MAST1: variants seen among roughly 807,000 people sequenced by gnomAD.
The protein encoded by MAST1 is microtubule associated serine/threonine kinase 1.
In MAST1, 40 loss-of-function variants were observed where a neutral mutation model predicts 124.6. The ratio of observed to expected loss-of-function variants is 0.32; its 90% CI spans 0.25 to 0.42. MAST1 has a LOEUF of 0.42. MAST1 is among the 10% of genes least tolerant of loss of function. The probability of loss-of-function intolerance (pLI) is 1.00; values close to 1 mark genes in which losing one functional copy is unlikely to be tolerated. For missense variants in MAST1, 1,558 were observed against 2,181.9 expected (o/e 0.71, Z 5.70); for synonymous variants, 938 against 939.4 (o/e 1.00, Z 0.03).
In MAST1 at chr19:12,843,379, C is replaced by T; in HGVS notation, c.249-150C>T. 9.0e-6 allele frequency: 5 copies of T among 556,714 alleles called. No individual in the cohort carries two copies. The highest frequency in any genetic ancestry group is 1.6e-5 in the Non-Finnish European group (5 of 314,338). 34.5% of individuals were successfully genotyped at this position (556,714 alleles called of 1,614,324 possible). On this transcript the variant is annotated intron_variant, in intron 3 of 25. Transcript: ENST00000251472. This position sits in a 1 kb window ranked among gnomAD's most constrained non-coding sequence, Gnocchi z 4.9. Reference sequence around the variant, plus strand: ...TGCCTGGAAGAGTCCCTCTTTATCCCCTTGATTCTGAGGGCCTTGAGGAAT... The same window carrying T: ...TGCCTGGAAGAGTCCCTCTTTATCCTCTTGATTCTGAGGGCCTTGAGGAAT...
intron 18 of MAST1, 135 bp from the exon 19 acceptor site, chr19:12,867,339 G>A (rs1038004314): frequency 3.2e-6 from 3 of 944,892 alleles, no homozygotes; most frequent in South Asian, 1.5e-5. Context: ...TAGGTTGGGG[G>A]ATCATGCACA....
chr19:12,873,979 G>T lies in MAST1; in HGVS notation c.3822G>T (p.Leu1274Phe). 1 of 1,601,816 alleles carries T rather than the reference G, an allele frequency of 6.2e-7. No homozygotes were observed. ...CGGCCGAGAAGCTGGGAGCCTCTTT[G>T]AGTGCGGACAAGAAGGGCGCGCTGC... ...VQSAEKLGASLSADKKGALRK... is the reference protein window; with the variant it reads ...VQSAEKLGASFSADKKGALRK... Residue 1274 changes from leucine to phenylalanine, a missense_variant, in exon 26 of 26, where the codon TTG (leucine) becomes TTT (phenylalanine). Physicochemically the swap from Leu to Phe is conservative, Grantham distance 22 (BLOSUM62 0). This residue lies in a region of MAST1 where 263 missense variants were observed against 310.9 expected (regional missense o/e 0.85). Transcript: ENST00000251472.
At chr19:12,869,044 G>A (rs2013587263) in intron 21 of MAST1, 22 bp from the exon 22 acceptor site, 1 of 1,609,880 alleles carries the variant, frequency 6.2e-7, no homozygotes, top group African/African-American at 1.3e-5. Flanking sequence ...TCTGATTTCT[G>A]ACCATGGTTG....
rs781617324 is a variant in MAST1, at chr19:12,871,064, C to T, written c.3155C>T (p.Thr1052Met). Residue 1052 changes from threonine (T) to methionine (M), a missense_variant, in exon 24 of 26, where the codon ACG becomes ATG. Coordinates refer to ENST00000251472, the MANE Select transcript of MAST1 (RefSeq NM_014975.3). The part of the protein sequence containing the change: ...KSGNKVAVTT[T>M]PFENTSIRIG... ...GGCAACAAGGTAGCAGTGACCACAACGCCCTTCGAAAATACCTCTATCCGC... is the reference window on the plus strand; with the variant it reads ...GGCAACAAGGTAGCAGTGACCACAATGCCCTTCGAAAATACCTCTATCCGC... 3.1e-6 allele frequency: 5 copies of T among 1,614,194 alleles called. No homozygotes were observed. Among genetic ancestry groups the T allele is most frequent in the South Asian group, 1.1e-5 (1 of 91,084 alleles).
intron 24 of MAST1, among the ~76,000 whole-genome samples, chr19:12,872,197 C>T (rs1224401767): frequency 6.6e-6 from 1 of 152,092 alleles, no homozygotes; most frequent in African/African-American, 2.4e-5. Context: ...AACTGAAATC[C>T]TATTTTCCCT....
At position 12,869,198 on chromosome 19, in the gene MAST1, C is replaced by A; in HGVS notation, c.2906C>A (p.Thr969Asn). Residue 969 changes from threonine (T) to asparagine (N), a missense_variant, in exon 22 of 26, where the codon ACC becomes AAC. This residue lies in a region of MAST1 where 291 missense variants were observed against 475.8 expected (regional missense o/e 0.61). Coordinates refer to ENST00000251472, the MANE Select transcript of MAST1 (RefSeq NM_014975.3). ...GTCAGTGGGCTCCGCTCCCCCATCA[C>A]CATCCAGCGCTCGGGCAAGAAGTAT... ...PAVSGLRSPI[T>N]IQRSGKKYGF... 6.2e-7 allele frequency: 1 copy of A among 1,614,212 alleles called. No homozygotes were observed. The highest frequency in any genetic ancestry group is 8.5e-7 in the Non-Finnish European group (1 of 1,180,040).
chr19:12,864,386 C>T (rs887098795), intron 12 of MAST1, among the ~76,000 whole-genome samples: 2 of 141,530 alleles, frequency 1.4e-5, no homozygotes, highest in Non-Finnish European at 3.0e-5. Flanking sequence ...GGAGTAAGAC[C>T]CTGTCTCAAA....
chr19:12,838,700 A>C lies in MAST1; in HGVS notation c.83+45A>C. ...GACATTGTCCCGGCCCTCCCCGCAA[A>C]AGCCGCCGCTCCGGGTACTGCTGCA... is the stretch of plus-strand genomic sequence containing the variant. On this transcript the variant is annotated intron_variant, in intron 1 of 25. Transcript: ENST00000251472. The surrounding 1 kb of genome is among the most constrained non-coding windows in gnomAD (Gnocchi z 4.3). 1 of 1,559,122 alleles carries C rather than the reference A, an allele frequency of 6.4e-7. No homozygotes were observed. Among genetic ancestry groups the C allele is most frequent in the Non-Finnish European group, 8.8e-7 (1 of 1,139,204 alleles).
At position 12,863,550 on chromosome 19, in the gene MAST1, C is replaced by G. The variant is rs148092207; in HGVS notation, c.1367-1259C>G. ...TCAGGAAACTCTCCATCTCTTGGCT[C>G]TGTACTCCCACATGTGGGCTTCCTT... On this transcript the variant is annotated intron_variant, in intron 12 of 25. Transcript: ENST00000251472. 1.7e-3 allele frequency among the ~76,000 whole-genome samples: 253 copies of G among 152,328 alleles called. 1 individual carries two copies. Among genetic ancestry groups the G allele is most frequent in the African/African-American group, 5.9e-3 (246 of 41,574 alleles).
chr19:12,867,796 C>T lies in MAST1; in HGVS notation c.2385C>T (p.Arg795=). The change falls in exon 20 of 26, where the codon CGC becomes CGT. Residue 795 remains arginine (R), a synonymous_variant. Coordinates refer to ENST00000251472, the MANE Select transcript of MAST1 (RefSeq NM_014975.3). Reference sequence around the variant, plus strand: ...AGGCCAGTCCCCCTTTGGGCGCCCGCCGCCGTTTCTCGGCGCTGCTGGAGC... The same window carrying T: ...AGGCCAGTCCCCCTTTGGGCGCCCGTCGCCGTTTCTCGGCGCTGCTGGAGC... ...EGEASPPLGA[R]RRFSALLEPS... is the part of the protein sequence containing the mutation. 3 of 1,571,664 alleles carry T rather than the reference C, an allele frequency of 1.9e-6. No individual in the cohort carries two copies. Among genetic ancestry groups the T allele is most frequent in the Admixed American group, 3.8e-5 (2 of 51,974 alleles).
Position 12,864,867 on chromosome 19 carries a change from C to A in MAST1, c.1425C>A (p.Arg475=), listed in dbSNP as rs1970131504. 1 of 1,614,004 alleles carries A rather than the reference C, an allele frequency of 6.2e-7. No homozygotes were observed. Among genetic ancestry groups the A allele is most frequent in the African/African-American group, 1.3e-5 (1 of 74,910 alleles). The change falls in exon 13 of 26, where the codon CGC becomes CGA. Residue 475 remains arginine (R), a synonymous_variant. Transcript: ENST00000251472. ...NIGALPVEMA[R]MYFAETVLAL... ...GAGCGCTGCCCGTAGAGATGGCCCGCATGTACTTTGCTGAGACGGTGCTAG... is the reference window on the plus strand; with the variant it reads ...GAGCGCTGCCCGTAGAGATGGCCCGAATGTACTTTGCTGAGACGGTGCTAG...
rs1318905044 is a variant in MAST1 at position 12,867,808 on chromosome 19, G to C, written c.2397G>C (p.Ser799=). ...SPPLGARRRF[S]ALLEPSRFSA... ...CTTTGGGCGCCCGCCGCCGTTTCTC[G>C]GCGCTGCTGGAGCCCAGCCGCTTCA... is the stretch of plus-strand genomic sequence containing the variant. The change falls in exon 20 of 26, where the codon TCG becomes TCC. Residue 799 remains serine (S), a synonymous_variant. Transcript: ENST00000251472. 1 of 1,579,864 alleles carries C rather than the reference G, an allele frequency of 6.3e-7. No individual in the cohort carries two copies. The highest frequency in any genetic ancestry group is 8.6e-7 in the Non-Finnish European group (1 of 1,164,446).
chr19:12,874,486 C>G lies in MAST1; in HGVS notation c.4329C>G (p.Pro1443=). Residue 1443 remains proline, a synonymous_variant, in exon 26 of 26, where the codon CCC becomes CCG. Transcript: ENST00000251472. This position sits in a 1 kb window ranked among gnomAD's most constrained non-coding sequence, Gnocchi z 6.6. The part of the protein sequence containing the change: ...LVPIVVEPAR[P]GAKAVVPQPL... The stretch of plus-strand genomic sequence containing the variant: ...CCATTGTCGTAGAGCCTGCGCGGCC[C>G]GGGGCTAAGGCTGTGGTGCCTCAGC... The G allele has an allele frequency of 6.4e-7, 1 of 1,569,012 alleles. No individual in the cohort carries two copies. The highest frequency in any genetic ancestry group is 8.6e-7 in the Non-Finnish European group (1 of 1,160,732).
rs763290221 is a variant in MAST1 at position 12,840,382 on chromosome 19, G to C, written c.84-64G>C. ...GGGATCTGAGACAGGAGGTCAGCTG[G>C]TGGGGCTCAAGAACTCACTGGGCTG... On this transcript the variant is annotated intron_variant, in intron 1 of 25. Transcript: ENST00000251472. 6.9e-6 allele frequency: 7 copies of C among 1,020,452 alleles called. No homozygotes were observed. In the African/African-American group the frequency reaches 1.1e-4, roughly 16 times the overall value. The allele number at this position is 1,020,452 out of a possible 1,614,324, so 63.2% of individuals were successfully genotyped here.
chr19:12,846,442 G>T (rs546492077), intron 4 of MAST1, among the ~76,000 whole-genome samples: 1 of 152,134 alleles, frequency 6.6e-6, no homozygotes, highest in African/African-American at 2.4e-5. Context: ...ATTCAGAGGA[G>T]GTCTTCCCGA....
At chr19:12,859,689 G>A (rs756802757) in intron 12 of MAST1, among the ~76,000 whole-genome samples, 9 of 151,838 alleles carry the variant, frequency 5.9e-5, no homozygotes, top group Admixed American at 1.3e-4. Flanking sequence ...AGCTACTCAC[G>A]TGGCTGAAGT....
At chr19:12,850,615 C>T (rs1018842068) in intron 7 of MAST1, among the ~76,000 whole-genome samples, 1 of 152,214 alleles carries the variant, frequency 6.6e-6, no homozygotes, top group Non-Finnish European at 1.5e-5. Flanking sequence ...AACCATTAGA[C>T]ATTTTCAAAG....
At chr19:12,870,764 A>G in intron 22 of MAST1, 60 bp from the exon 23 acceptor site, 1 of 1,522,002 alleles carries the variant, frequency 6.6e-7, no homozygotes, top group Non-Finnish European at 8.8e-7. Flanking sequence ...ATATAAGTTT[A>G]GGAGCTTTCC....
rs34988246 is a variant in MAST1, at chr19:12,868,103, A to ATTTTTTTTT, written c.2566+141_2566+149dup. On this transcript the variant is annotated intron_variant, in intron 20 of 25. Transcript: ENST00000251472. ...GGTCCTATTCACATTGCAATTTGGGATTTTTTTTTTTTTTTTTTTTTTTGA... is the reference window on the plus strand; with the variant it reads ...GGTCCTATTCACATTGCAATTTGGGATTTTTTTTTTTTTTTTTTTTTTTTTTTTTTTTGA... 3.2e-4 allele frequency: 104 copies of ATTTTTTTTT among 322,180 alleles called. 4 individuals are homozygous for ATTTTTTTTT. Among genetic ancestry groups the ATTTTTTTTT allele is most frequent in the Middle Eastern group, 2.3e-3 (3 of 1,284 alleles). 20.0% of individuals were successfully genotyped at this position (322,180 alleles called of 1,614,324 possible).
Sources: gnomAD v4.1 joint callset for allele counts (sites outside exome capture counted in the v4.1 genomes callset) on GRCh38, gnomAD v4.1.1 for gene constraint, gnomAD v4.1.1 regional missense constraint, Gnocchi (gnomAD v3.1) non-coding constraint, MANE v1.5 for transcripts, NCBI Gene and HGNC (gene_info 2026-07-23, HGNC 2026-07-21) for gene names.